RUBCN: variants seen among roughly 807,000 people sequenced by gnomAD.
RUBCN encodes rubicon autophagy regulator, also known as run domain Beclin-1-interacting and cysteine-rich domain-containing protein.
Under a neutral mutation model 113.2 loss-of-function variants are expected in RUBCN, and 74 were observed. The observed-to-expected ratio is 0.65, with a 90% CI of 0.54 to 0.79. The LOEUF (loss-of-function observed/expected upper bound fraction) is 0.79. Among genes scored for constraint, RUBCN ranks in the 30% least tolerant of loss-of-function variants. The pLI, the probability that RUBCN is intolerant of heterozygous loss-of-function variation, is 0.00. For missense variants in RUBCN, 1,109 were observed against 1,251.7 expected, an observed-to-expected ratio of 0.89 and a Z score of 1.72; for synonymous variants, 480 against 490.0, an observed-to-expected ratio of 0.98 and a Z score of 0.27.
intron 1 of RUBCN, among the ~76,000 whole-genome samples, chr3:197,723,118 T>C (rs1372481611): frequency 6.6e-6 from 1 of 152,188 alleles, no homozygotes; most frequent in East Asian, 1.9e-4. Context: ...GTTTTTGCTT[T>C]GTAGTCAGCA....
intron 2 of RUBCN, among the ~76,000 whole-genome samples, chr3:197,717,508 G>A (rs558119508): frequency 4.6e-5 from 7 of 152,250 alleles, no homozygotes; most frequent in Non-Finnish European, 7.4e-5. Flanking sequence ...TCAAGATGGA[G>A]GAAGTGGCCA....
chr3:197,743,196 C>T (rs1473679106), intron 1 of RUBCN, among the ~76,000 whole-genome samples: 2 of 152,192 alleles, frequency 1.3e-5, no homozygotes, highest in East Asian at 3.9e-4. Context: ...GCCTGCAACC[C>T]CGTCTGTCAT....
rs900257599 is a variant in RUBCN, at chr3:197,670,979, C to T, written c.*4039G>A. ...GAGGGGAGGTAGAGGTGGTCACAAT[C>T]CCGCCCCTCATGCCACAGTGTGCTG... On this transcript the variant is annotated 3_prime_UTR_variant, in exon 20 of 20. Transcript: ENST00000296343. Among the ~76,000 whole-genome samples, 1 of 152,134 alleles carries T rather than the reference C, an allele frequency of 6.6e-6. No homozygotes were observed. Among genetic ancestry groups the T allele is most frequent in the African/African-American group, 2.4e-5 (1 of 41,416 alleles).
intron 9 of RUBCN, among the ~76,000 whole-genome samples, chr3:197,694,957 T>A (rs1209623693): frequency 6.6e-6 from 1 of 152,266 alleles, no homozygotes; most frequent in Non-Finnish European, 1.5e-5. Context: ...ATGTCATTTA[T>A]TGCTTATCTG....
chr3:197,717,148 C>A (rs1725607373), intron 2 of RUBCN, among the ~76,000 whole-genome samples: 1 of 144,432 alleles, frequency 6.9e-6, no homozygotes, highest in Non-Finnish European at 1.5e-5. Context: ...ACAAAGGGGG[C>A]AGAGAGCTGG....
chr3:197,729,395 G>C (rs1282490495), intron 1 of RUBCN, among the ~76,000 whole-genome samples: 1 of 152,014 alleles, frequency 6.6e-6, no homozygotes, highest in Non-Finnish European at 1.5e-5. Flanking sequence ...TGGGACTACA[G>C]GCGCCCGCCA....
chr3:197,694,137 C>A, intron 10 of RUBCN: 1 of 639,650 alleles, frequency 1.6e-6, no homozygotes, highest in Non-Finnish European at 2.9e-6. Flanking sequence ...GTGATCCACC[C>A]GCCTCGGCCT....
intron 3 of RUBCN, 132 bp from the exon 4 acceptor site, chr3:197,704,833 T>C (rs1724104790): frequency 2.8e-6 from 3 of 1,066,074 alleles, no homozygotes; most frequent in East Asian, 2.6e-5. Flanking sequence ...GGGTCCCATG[T>C]AGGCAGGCTT....
chr3:197,731,977 T>A (rs1023702187), intron 1 of RUBCN, among the ~76,000 whole-genome samples: 1 of 152,178 alleles, frequency 6.6e-6, no homozygotes, highest in African/African-American at 2.4e-5. Flanking sequence ...TGCTTACATA[T>A]GGGAAATAGA....
At chr3:197,684,126 T>C in intron 12 of RUBCN, 31 bp downstream of exon 12, 1 of 1,549,826 alleles carries the variant, frequency 6.5e-7, no homozygotes, top group African/African-American at 1.4e-5. Flanking sequence ...AAGGTTTTCT[T>C]TTCTTTTTTT....
chr3:197,712,458 T>C (rs557539111), intron 2 of RUBCN, among the ~76,000 whole-genome samples: 2 of 152,138 alleles, frequency 1.3e-5, no homozygotes, highest in Non-Finnish European at 2.9e-5. Flanking sequence ...ACACCCAGAA[T>C]AGCTCGGTGA....
At chr3:197,727,368 C>T (rs1726880323) in intron 1 of RUBCN, among the ~76,000 whole-genome samples, 1 of 152,208 alleles carries the variant, frequency 6.6e-6, no homozygotes, top group Admixed American at 6.5e-5. Flanking sequence ...TATCATAGAG[C>T]AGAGAATAAT....
upstream of RUBCN, among the ~76,000 whole-genome samples, chr3:197,740,548 A>T (rs112062056): frequency 0.081 from 12,268 of 152,268 alleles, 1,096 homozygotes; most frequent in African/African-American, 0.23. Flanking sequence ...ATAATAGTAC[A>T]GCATCAATGT....
chr3:197,717,143 G>C (rs1464565291), intron 2 of RUBCN, among the ~76,000 whole-genome samples: 1 of 143,320 alleles, frequency 7.0e-6, no homozygotes, highest in African/African-American at 2.7e-5. Context: ...AACAAACAAA[G>C]GGGGCAGAGA....
intron 16 of RUBCN, among the ~76,000 whole-genome samples, chr3:197,680,898 G>A (rs1721142693): frequency 6.6e-6 from 1 of 151,782 alleles, no homozygotes; most frequent in Non-Finnish European, 1.5e-5. Context: ...TACATAGTGA[G>A]GGCATGAACG....
At chr3:197,723,171 TATTTA>T (rs1046165710) in intron 1 of RUBCN, among the ~76,000 whole-genome samples, 4 of 152,156 alleles carry the variant, frequency 2.6e-5, no homozygotes, top group African/African-American at 9.7e-5. Flanking sequence ...AAAGTTATTT[TATTTA>T]TTTTTAATTT....
In RUBCN at chr3:197,694,530, T is replaced by C; in HGVS notation, c.1529A>G (p.Lys510Arg). 1 of 1,614,228 alleles carries C rather than the reference T, an allele frequency of 6.2e-7. No homozygotes were observed. Among genetic ancestry groups the C allele is most frequent in the Non-Finnish European group, 8.5e-7 (1 of 1,180,026 alleles). The change falls in exon 10 of 20, where the codon AAG becomes AGG. Residue 510 changes from lysine (K) to arginine (R), a missense_variant. Lys to Arg is a conservative substitution (Grantham distance 26). Transcript: ENST00000296343. ...ESLIAAIELM[K>R]CNMMSQCLEE... ...TAGGCACTGGCTCATCATGTTGCAC[T>C]TCATTAGCTCGATGGCAGCAATTAA...
At chr3:197,715,102 C>T (rs1479600099) in intron 2 of RUBCN, among the ~76,000 whole-genome samples, 4 of 151,770 alleles carry the variant, frequency 2.6e-5, no homozygotes, top group East Asian at 3.9e-4. Flanking sequence ...CCAGCCTGAC[C>T]AACATGGAGA....
At chr3:197,733,237 C>A (rs1350172620) in intron 1 of RUBCN, among the ~76,000 whole-genome samples, 3 of 152,164 alleles carry the variant, frequency 2.0e-5, no homozygotes, top group Admixed American at 1.3e-4. Flanking sequence ...CTCTGGGAGG[C>A]CAAGGCAGCA....
Sources: gnomAD v4.1 joint callset for allele counts (sites outside exome capture counted in the v4.1 genomes callset) on GRCh38, gnomAD v4.1.1 for gene constraint, MANE v1.5 for transcripts, NCBI Gene and HGNC (gene_info 2026-07-23, HGNC 2026-07-21) for gene names.